The following GFRA2 variants were observed in gnomAD, a reference collection of about 807,000 sequenced individuals.
GFRA2 encodes GDNF family receptor alpha 2.
GFRA2 carries 17 observed loss-of-function variants against 48.3 expected under a neutral mutation model. The observed-to-expected ratio is 0.35, with a 90% CI of 0.24 to 0.53. The LOEUF (loss-of-function observed/expected upper bound fraction) is 0.53. Ranked by LOEUF, GFRA2 falls within the 20% of genes least tolerant of loss-of-function variation. The pLI, the probability that GFRA2 is intolerant of heterozygous loss-of-function variation, is 0.93. For missense variants in GFRA2, 660 were observed against 637.3 expected (o/e 1.04, Z -0.38); for synonymous variants, 305 against 257.2 (o/e 1.19, Z -1.78).
chr8:21,760,741 T>C (rs1312061371), intron 3 of GFRA2, among the ~76,000 whole-genome samples: 3 of 152,106 alleles, frequency 2.0e-5, no homozygotes, highest in Non-Finnish European at 4.4e-5. Context: ...CATAACTCAG[T>C]GAGGCGCCAC....
At position 21,783,182 on chromosome 8, in the gene GFRA2, C is replaced by G. The variant is rs1043677303; in HGVS notation, c.41-283G>C. ...CAATAAAGCCAGGAAGGTCCCGGCTCAAGACCTCAGTCTAAGACGTCAGGA... is the reference window on the plus strand; with the variant it reads ...CAATAAAGCCAGGAAGGTCCCGGCTGAAGACCTCAGTCTAAGACGTCAGGA... On this transcript the variant is annotated intron_variant, in intron 1 of 8. Transcript: ENST00000524240. 26 of 600,762 alleles carry G rather than the reference C, an allele frequency of 4.3e-5. 1 individual carries two copies. Among genetic ancestry groups the G allele is most frequent in the Admixed American group, 1.1e-4 (5 of 46,362 alleles). The allele number at this position is 600,762 out of a possible 1,614,324, so 37.2% of individuals were successfully genotyped here.
chr8:21,809,222 G>C lies in GFRA2; in HGVS notation c.-148+3009C>G, dbSNP rs73671777. 1.5e-3 allele frequency among the ~76,000 whole-genome samples: 231 copies of C among 152,336 alleles called. 3 individuals are homozygous for C. Among genetic ancestry groups the C allele is most frequent in the African/African-American group, 5.3e-3 (221 of 41,582 alleles). ...TGGCTGCTGTGGGAGGAACACTGAGGAACTGGACCAGGAGAGAGCCCTTCT... is the reference window on the plus strand; with the variant it reads ...TGGCTGCTGTGGGAGGAACACTGAGCAACTGGACCAGGAGAGAGCCCTTCT... On this transcript the variant is annotated intron_variant, in intron 1 of 10. Coordinates refer to the GFRA2 transcript ENST00000517328.
At chr8:21,756,776 C>T (rs1170338969) in intron 3 of GFRA2, among the ~76,000 whole-genome samples, 1 of 152,216 alleles carries the variant, frequency 6.6e-6, no homozygotes, top group Non-Finnish European at 1.5e-5. Flanking sequence ...CCAGCCCCCT[C>T]CGTCTCCCTG....
At chr8:21,798,936 C>T (rs1259164760) in intron 2 of GFRA2, among the ~76,000 whole-genome samples, 1 of 152,220 alleles carries the variant, frequency 6.6e-6, no homozygotes. Flanking sequence ...CTTCACTCAA[C>T]TCAAAGCTCT....
At chr8:21,783,049 T>TA in intron 1 of GFRA2, 150 bp from the exon 2 acceptor site, 1 of 757,824 alleles carries the variant, frequency 1.3e-6, no homozygotes, top group Non-Finnish European at 2.3e-6. Context: ...GCCCTCCTCA[T>TA]ACCCCAGGGA....
At chr8:21,745,587 C>G (rs1052010488) in intron 4 of GFRA2, among the ~76,000 whole-genome samples, 2 of 152,190 alleles carry the variant, frequency 1.3e-5, no homozygotes, top group African/African-American at 4.8e-5. Context: ...CGGTCAGAAA[C>G]CTGGAGGAAG....
chr8:21,782,463 A>C (rs1807040915), intron 2 of GFRA2, 122 bp downstream of exon 2: 1 of 713,802 alleles, frequency 1.4e-6, no homozygotes, highest in African/African-American at 1.8e-5. Flanking sequence ...TAGCAGGTAG[A>C]CATAGAGAGC....
chr8:21,732,263 T>C (rs763268389), intron 4 of GFRA2, among the ~76,000 whole-genome samples: 4 of 152,254 alleles, frequency 2.6e-5, no homozygotes, highest in Non-Finnish European at 5.9e-5. Flanking sequence ...GGAAGTCTGG[T>C]TGTGTCTGTC....
Position 21,788,312 on chromosome 8 carries a change from C to A in GFRA2, c.-153G>T, listed in dbSNP as rs926588981. On this transcript the variant is annotated 5_prime_UTR_variant, in exon 1 of 9. Coordinates refer to ENST00000524240, the MANE Select transcript of GFRA2 (RefSeq NM_001495.5). ...AGTCCACCCGATGAAGATCCCGAGT[C>A]CTGCGATTCTCGCCTCTGGCTGGAG... 2.3e-5 allele frequency: 32 copies of A among 1,390,832 alleles called. No individual in the cohort carries two copies. The highest frequency in any genetic ancestry group is 3.0e-5 in the African/African-American group (2 of 66,458). 86.2% of individuals were successfully genotyped at this position (1,390,832 alleles called of 1,614,324 possible). A position where few individuals can be genotyped will look rare whatever the true frequency, so the allele number is the denominator to read the frequency against.
At chr8:21,740,032 C>T (rs569116776) in intron 4 of GFRA2, among the ~76,000 whole-genome samples, 1 of 152,262 alleles carries the variant, frequency 6.6e-6, no homozygotes, top group Admixed American at 6.5e-5. Context: ...GTGGGACATT[C>T]TAGGGTCCTA....
chr8:21,714,246 C>CTTTTTTTTTTTTTTTTTTTTTTTTTTTTT lies in GFRA2; in HGVS notation c.795-8206_795-8205insAAAAAAAAAAAAAAAAAAAAAAAAAAAAA, dbSNP rs10674628. ...GATCAATACATACTGGTCTGAAGTT[C>CTTTTTTTTTTTTTTTTTTTTTTTTTTTTT]TTTTTTTTTTTTTTTTTTTTTTTGA... On this transcript the variant is annotated intron_variant, in intron 4 of 8. Coordinates refer to ENST00000524240, the MANE Select transcript of GFRA2 (RefSeq NM_001495.5). Among the ~76,000 whole-genome samples, 5 of 78,402 alleles carry CTTTTTTTTTTTTTTTTTTTTTTTTTTTTT rather than the reference C, an allele frequency of 6.4e-5. 2 individuals carry two copies. Among genetic ancestry groups the CTTTTTTTTTTTTTTTTTTTTTTTTTTTTT allele is most frequent in the African/African-American group, 2.6e-4 (5 of 19,304 alleles). 51.4% of individuals were successfully genotyped at this position (78,402 alleles called of 152,430 possible). A position where few individuals can be genotyped will look rare whatever the true frequency, so the allele number is the denominator to read the frequency against.
At chr8:21,803,695 C>T (rs1480820362) in intron 2 of GFRA2, among the ~76,000 whole-genome samples, 1 of 152,212 alleles carries the variant, frequency 6.6e-6, no homozygotes, top group African/African-American at 2.4e-5. Flanking sequence ...TGCAGTGGCA[C>T]AATCATAGCT....
Position 21,693,191 on chromosome 8 carries a change from G to A in GFRA2, c.*87C>T, listed in dbSNP as rs1471571694. On this transcript the variant is annotated 3_prime_UTR_variant, in exon 9 of 9. Transcript: ENST00000524240. ...AAACAATTTTTTTTTTGCAAGGTGTGTGTGTGTCTGTGTGTGTTTCCATTT... is the reference window on the plus strand; with the variant it reads ...AAACAATTTTTTTTTTGCAAGGTGTATGTGTGTCTGTGTGTGTTTCCATTT... 8.3e-5 allele frequency: 112 copies of A among 1,343,152 alleles called. No individual in the cohort carries two copies. Among genetic ancestry groups the A allele is most frequent in the Non-Finnish European group, 1.1e-4 (106 of 982,976 alleles). 83.2% of individuals were successfully genotyped at this position (1,343,152 alleles called of 1,614,324 possible). A position where few individuals can be genotyped will look rare whatever the true frequency, so the allele number is the denominator to read the frequency against.
intron 4 of GFRA2, among the ~76,000 whole-genome samples, chr8:21,747,039 G>A (rs1008634158): frequency 2.0e-5 from 3 of 152,250 alleles, no homozygotes; most frequent in Middle Eastern, 3.4e-3. Context: ...TGAGCAGCTT[G>A]ATTCCAGGCC....
chr8:21,775,578 C>T (rs1287685995), intron 2 of GFRA2, among the ~76,000 whole-genome samples: 1 of 152,204 alleles, frequency 6.6e-6, no homozygotes, highest in African/African-American at 2.4e-5. Flanking sequence ...CTCCCACCAG[C>T]ACCCTTTCCC....
Position 21,782,715 on chromosome 8 carries a change from G to A in GFRA2, c.225C>T (p.Asn75=). The change falls in exon 2 of 9, where the codon AAC becomes AAT. Residue 75 remains asparagine, a synonymous_variant. Transcript: ENST00000524240. ...AGRDRNTMLA[N]KECQAALEVL... is the part of the protein sequence containing the mutation. ...CCTCCAAGGCCGCCTGGCACTCCTT[G>A]TTGGCCAGCATGGTGTTGCGGTCGC... is the stretch of plus-strand genomic sequence containing the variant. 6.3e-7 allele frequency: 1 copy of A among 1,596,992 alleles called. No individual in the cohort carries two copies. The highest frequency in any genetic ancestry group is 8.5e-7 in the Non-Finnish European group (1 of 1,172,280).
intron 4 of GFRA2, among the ~76,000 whole-genome samples, chr8:21,747,796 A>ATG (rs1212559100): frequency 2.2e-5 from 3 of 138,400 alleles, no homozygotes; most frequent in African/African-American, 8.1e-5. Context: ...ACACACACAC[A>ATG]CACACGCATG....
chr8:21,744,502 G>A (rs893495705), intron 4 of GFRA2, among the ~76,000 whole-genome samples: 2 of 148,816 alleles, frequency 1.3e-5, no homozygotes, highest in Non-Finnish European at 2.9e-5. Flanking sequence ...TAGGGACACA[G>A]TTTAGAGAAC....
At chr8:21,694,368 G>T in intron 8 of GFRA2, 96 bp downstream of exon 8, 1 of 1,198,096 alleles carries the variant, frequency 8.3e-7, no homozygotes, top group Non-Finnish European at 1.2e-6. Flanking sequence ...CCCATGCGAT[G>T]AGATTTGAGG....
Sources: allele counts gnomAD v4.1 joint callset (sites outside exome capture counted in the v4.1 genomes callset), GRCh38; gene constraint gnomAD v4.1.1; transcripts MANE v1.5; gene names NCBI Gene and HGNC (gene_info 2026-07-23, HGNC 2026-07-21).